The following GGA2 variants were observed in gnomAD, a reference collection of about 807,000 sequenced individuals.
GGA2 encodes golgi associated, gamma adaptin ear containing, ARF binding protein 2.
GGA2 carries 48 observed loss-of-function variants against 79.5 expected under a neutral mutation model. The ratio of observed to expected loss-of-function variants is 0.60; its 90% CI spans 0.48 to 0.77. The LOEUF is 0.77. Ranked by LOEUF, GGA2 falls within the 30% of genes least tolerant of loss-of-function variation. The probability of loss-of-function intolerance (pLI) is 0.00; values close to 1 mark genes in which losing one functional copy is unlikely to be tolerated. For missense variants in GGA2, 770 were observed against 774.0 expected (o/e 0.99, Z 0.06); for synonymous variants, 317 against 302.0 (o/e 1.05, Z -0.51).
chr16:23,521,002 G>C (rs1269584503), intron 1 of GGA2, among the ~76,000 whole-genome samples: 1 of 152,102 alleles, frequency 6.6e-6, no homozygotes, highest in Non-Finnish European at 1.5e-5. Flanking sequence ...ATGTTGGCCA[G>C]GCTGGTCTTG....
intron 2 of GGA2, chr16:23,519,509 A>G: frequency 3.2e-6 from 1 of 314,192 alleles, no homozygotes; most frequent in South Asian, 2.3e-5. Context: ...GGCTAGGCCA[A>G]TCAGATTCTC....
At chr16:23,490,934 T>C (rs1013653209) in intron 5 of GGA2, among the ~76,000 whole-genome samples, 2 of 151,934 alleles carry the variant, frequency 1.3e-5, no homozygotes, top group South Asian at 2.1e-4. Context: ...AGGTTAAAGA[T>C]GGGCATGGTG....
At position 23,478,236 on chromosome 16, in the gene GGA2, A is replaced by G. The variant is rs561219522; in HGVS notation, c.1292+132T>C. 165 of 672,614 alleles carry G rather than the reference A, an allele frequency of 2.5e-4. 1 individual carries two copies. The highest frequency in any genetic ancestry group is 1.3e-3 in the South Asian group (38 of 29,622). 41.7% of individuals were successfully genotyped at this position (672,614 alleles called of 1,614,324 possible). On this transcript the variant is annotated intron_variant, in intron 13 of 16. Coordinates refer to ENST00000309859, the MANE Select transcript of GGA2 (RefSeq NM_015044.4). ...AAAAGAAAAAAAGACAAAAAAAAAA[A>G]AAAGAAAGAAAGAAAGATGTTTCTC... is the stretch of plus-strand genomic sequence containing the variant.
At chr16:23,490,494 G>A (rs952216221) in intron 5 of GGA2, among the ~76,000 whole-genome samples, 1 of 152,000 alleles carries the variant, frequency 6.6e-6, no homozygotes, top group Non-Finnish European at 1.5e-5. Context: ...CAGCACTTTG[G>A]GAGGCTGAGG....
intron 1 of GGA2, among the ~76,000 whole-genome samples, chr16:23,500,697 C>G (rs1964911664): frequency 6.6e-6 from 1 of 152,250 alleles, no homozygotes; most frequent in Non-Finnish European, 1.5e-5. Flanking sequence ...TGGAACCGCC[C>G]TGCAGCTATA....
intron 1 of GGA2, among the ~76,000 whole-genome samples, chr16:23,500,646 C>G (rs930989669): frequency 1.3e-5 from 2 of 152,262 alleles, no homozygotes; most frequent in African/African-American, 4.8e-5. Flanking sequence ...TACTGCTCCC[C>G]AATGCCAGCC....
intron 11 of GGA2, among the ~76,000 whole-genome samples, chr16:23,479,475 G>A (rs2142120431): frequency 6.8e-6 from 1 of 147,270 alleles, no homozygotes; most frequent in South Asian, 2.2e-4. Flanking sequence ...TGCTCCCTCA[G>A]CAGCAGACAC....
intron 14 of GGA2, among the ~76,000 whole-genome samples, chr16:23,473,759 T>C (rs1964543948): frequency 6.6e-6 from 1 of 152,252 alleles, no homozygotes; most frequent in Admixed American, 6.5e-5. Flanking sequence ...AATTTCTATA[T>C]ACCCTTCATG....
chr16:23,517,775 G>GTT (rs1172473992), intron 2 of GGA2, among the ~76,000 whole-genome samples: 2 of 151,580 alleles, frequency 1.3e-5, no homozygotes, highest in East Asian at 3.9e-4. Flanking sequence ...AATTTTTTGT[G>GTT]TTTTTAGTAG....
chr16:23,493,388 T>C lies in GGA2; in HGVS notation c.323A>G (p.Asn108Ser), dbSNP rs372013915. ...HSEVAKFRFL[N>S]ELIKVLSPKY... ...TGGGGACAACACTTTGATCAGTTCG[T>C]TCAGGAAACGAAATTTGGCCACCTC... Residue 108 changes from asparagine (N) to serine (S), a missense_variant, in exon 4 of 17, where the codon AAC becomes AGC. Coordinates refer to ENST00000309859, the MANE Select transcript of GGA2 (RefSeq NM_015044.4). The C allele has an allele frequency of 6.2e-7, 1 of 1,610,150 alleles. No individual in the cohort carries two copies. Among genetic ancestry groups the C allele is most frequent in the Non-Finnish European group, 8.5e-7 (1 of 1,176,438 alleles).
chr16:23,506,607 A>G (rs1203233360), intron 1 of GGA2, among the ~76,000 whole-genome samples: 1 of 152,158 alleles, frequency 6.6e-6, no homozygotes, highest in African/African-American at 2.4e-5. Context: ...AACATCCTAC[A>G]GTGCACAGGT....
At chr16:23,511,708 A>T (rs1377538396), upstream of GGA2, among the ~76,000 whole-genome samples, 1 of 152,164 alleles carries the variant, frequency 6.6e-6, no homozygotes, top group Admixed American at 6.6e-5. Flanking sequence ...CTGTTAAAAG[A>T]TAATTTTCCC....
intron 9 of GGA2, 83 bp from the exon 10 acceptor site, chr16:23,480,853 C>CATATGAAGGCTGT: frequency 7.7e-7 from 1 of 1,306,234 alleles, no homozygotes; most frequent in Non-Finnish European, 1.1e-6. Flanking sequence ...ATAAAACAGC[C>CATATGAAGGCTGT]TTCATATGGC....
intron 14 of GGA2, among the ~76,000 whole-genome samples, chr16:23,471,887 C>T (rs767218487): frequency 1.3e-5 from 2 of 151,762 alleles, no homozygotes; most frequent in Non-Finnish European, 2.9e-5. Flanking sequence ...CCTGCCTAGG[C>T]GATGGAGCGA....
rs563547440 is a variant in GGA2 at position 23,503,730 on chromosome 16, T to TG, written c.91+6590dup. ...AATAAAAGGAAAACGGATTTTCCTATGGGGGGAAAAAAGATTTATCATGGC... is the reference window on the plus strand; with the variant it reads ...AATAAAAGGAAAACGGATTTTCCTATGGGGGGGAAAAAAGATTTATCATGGC... On this transcript the variant is annotated intron_variant, in intron 1 of 16. Coordinates refer to ENST00000309859, the MANE Select transcript of GGA2 (RefSeq NM_015044.4). Among the ~76,000 whole-genome samples the TG allele has an allele frequency of 1.9e-3, 292 of 152,260 alleles. 3 individuals are homozygous for TG. Among genetic ancestry groups the TG allele is most frequent in the African/African-American group, 6.9e-3 (288 of 41,548 alleles).
At chr16:23,480,823 A>G in intron 9 of GGA2, 53 bp from the exon 10 acceptor site, 1 of 1,537,872 alleles carries the variant, frequency 6.5e-7, no homozygotes, top group Non-Finnish European at 9.0e-7. Flanking sequence ...CAACAATCTC[A>G]GTCTTTTCTA....
At chr16:23,512,112 A>G (rs948671466), upstream of GGA2, among the ~76,000 whole-genome samples, 17 of 152,340 alleles carry the variant, frequency 1.1e-4, no homozygotes, top group Non-Finnish European at 2.4e-4. Flanking sequence ...GGATGGCACC[A>G]TGTTTGAAAG....
intron 1 of GGA2, chr16:23,501,620 T>C: frequency 3.8e-6 from 1 of 261,814 alleles, no homozygotes; most frequent in South Asian, 4.3e-5. Flanking sequence ...TATAAAGGGC[T>C]GTCAGCATGA....
chr16:23,472,729 A>G (rs1295349709), intron 14 of GGA2, among the ~76,000 whole-genome samples: 1 of 151,156 alleles, frequency 6.6e-6, no homozygotes, highest in Non-Finnish European at 1.5e-5. Context: ...AAAATAAAAT[A>G]ATTTAAAAAA....
Sources: gnomAD v4.1 joint callset for allele counts (sites outside exome capture counted in the v4.1 genomes callset) on GRCh38, gnomAD v4.1.1 for gene constraint, MANE v1.5 for transcripts, NCBI Gene and HGNC (gene_info 2026-07-23, HGNC 2026-07-21) for gene names.